SPAG16: variants seen among roughly 807,000 people sequenced by gnomAD.
The protein encoded by SPAG16 is sperm associated antigen 16.
Under a neutral mutation model 80.4 loss-of-function variants are expected in SPAG16, and 86 were observed. The ratio of observed to expected loss-of-function variants is 1.07; its 90% CI spans 0.90 to 1.28. The LOEUF (loss-of-function observed/expected upper bound fraction) is 1.28. Among genes scored for constraint, SPAG16 ranks in the 50% most tolerant of loss-of-function variants. The pLI, the probability that SPAG16 is intolerant of heterozygous loss-of-function variation, is 0.00. For synonymous variants in SPAG16, 294 were observed against 265.9 expected (o/e 1.11, Z -1.03); for missense variants, 870 against 765.3 (o/e 1.14, Z -1.61).
At chr2:214,292,999 G>T (rs1408724101) in intron 15 of SPAG16, among the ~76,000 whole-genome samples, 2 of 152,186 alleles carry the variant, frequency 1.3e-5, no homozygotes, top group East Asian at 3.9e-4. Context: ...GTCTTACTGG[G>T]GACGAGGATG....
intron 15 of SPAG16, among the ~76,000 whole-genome samples, chr2:214,395,194 A>G (rs1199135300): frequency 1.3e-5 from 2 of 152,220 alleles, no homozygotes; most frequent in East Asian, 1.9e-4. Flanking sequence ...TTATGTGGAC[A>G]TAAGTTTCCA....
chr2:214,233,600 T>C (rs975753100), intron 15 of SPAG16, among the ~76,000 whole-genome samples: 9 of 152,122 alleles, frequency 5.9e-5, no homozygotes, highest in African/African-American at 2.2e-4. Flanking sequence ...ATCTATACTT[T>C]GACACATTCT....
At chr2:213,757,364 A>C (rs1023201312) in intron 10 of SPAG16, among the ~76,000 whole-genome samples, 2 of 152,148 alleles carry the variant, frequency 1.3e-5, no homozygotes, top group African/African-American at 4.8e-5. Context: ...GCAATTCTAA[A>C]ATTCATATGC....
At chr2:214,384,856 C>A (rs1206932071) in intron 15 of SPAG16, among the ~76,000 whole-genome samples, 1 of 152,176 alleles carries the variant, frequency 6.6e-6, no homozygotes, top group Non-Finnish European at 1.5e-5. Flanking sequence ...TTGAGTCACT[C>A]GTCTCCATGT....
intron 13 of SPAG16, among the ~76,000 whole-genome samples, chr2:214,037,347 C>A (rs529823950): frequency 1.0e-3 from 157 of 151,790 alleles, no homozygotes; most frequent in African/African-American, 3.4e-3. Flanking sequence ...AATCGTATGA[C>A]CTTTTACCTT....
At chr2:213,896,793 G>A (rs1646484863) in intron 11 of SPAG16, among the ~76,000 whole-genome samples, 1 of 151,892 alleles carries the variant, frequency 6.6e-6, no homozygotes, top group South Asian at 2.1e-4. Context: ...CCTGGTACAT[G>A]TTCTCACATG....
chr2:213,623,556 C>G (rs1189087552), intron 10 of SPAG16, among the ~76,000 whole-genome samples: 1 of 152,008 alleles, frequency 6.6e-6, no homozygotes, highest in Non-Finnish European at 1.5e-5. Flanking sequence ...TATCTTTCTA[C>G]CTGGCATTTA....
intron 14 of SPAG16, among the ~76,000 whole-genome samples, chr2:214,127,140 G>T (rs1196349088): frequency 6.6e-6 from 1 of 151,746 alleles, no homozygotes; most frequent in Non-Finnish European, 1.5e-5. Flanking sequence ...CAGAAATCTA[G>T]TGCTTCTCTA....
At chr2:214,321,838 G>T (rs1696119869) in intron 15 of SPAG16, among the ~76,000 whole-genome samples, 1 of 152,054 alleles carries the variant, frequency 6.6e-6, no homozygotes, top group Admixed American at 6.6e-5. Flanking sequence ...GTCATTAATA[G>T]GTATATTGCC....
chr2:214,110,518 T>C (rs1208240048), intron 14 of SPAG16, among the ~76,000 whole-genome samples: 1 of 152,226 alleles, frequency 6.6e-6, no homozygotes, highest in Admixed American at 6.5e-5. Flanking sequence ...TGCCACATTT[T>C]CTTAATCCAG....
chr2:213,547,278 C>T (rs1378458771), intron 10 of SPAG16, among the ~76,000 whole-genome samples: 1 of 151,968 alleles, frequency 6.6e-6, no homozygotes, highest in Non-Finnish European at 1.5e-5. Flanking sequence ...GCAATTGTTC[C>T]AGTAAAAATA....
At chr2:214,200,327 A>G (rs1248051050) in intron 15 of SPAG16, among the ~76,000 whole-genome samples, 1 of 152,104 alleles carries the variant, frequency 6.6e-6, no homozygotes, top group African/African-American at 2.4e-5. Context: ...CTACTTTTTT[A>G]CATCTATTGA....
chr2:214,269,520 A>G (rs535166948), intron 15 of SPAG16, among the ~76,000 whole-genome samples: 2 of 152,162 alleles, frequency 1.3e-5, no homozygotes, highest in East Asian at 1.9e-4. Context: ...TGAAATGTCT[A>G]TCTTTTCTGA....
chr2:213,861,654 T>C (rs1412730051), intron 10 of SPAG16, among the ~76,000 whole-genome samples: 2 of 152,308 alleles, frequency 1.3e-5, no homozygotes, highest in South Asian at 2.1e-4. Context: ...AAGGCATAGA[T>C]GAAACTTTAT....
At chr2:213,701,287 G>A (rs904975371) in intron 10 of SPAG16, among the ~76,000 whole-genome samples, 43 of 152,048 alleles carry the variant, frequency 2.8e-4, no homozygotes, top group African/African-American at 9.4e-4. Context: ...TATAGGAAGG[G>A]GATACTACAG....
intron 10 of SPAG16, among the ~76,000 whole-genome samples, chr2:213,629,221 A>G (rs2062059629): frequency 6.6e-6 from 1 of 152,198 alleles, no homozygotes; most frequent in Non-Finnish European, 1.5e-5. Flanking sequence ...TTGTCCCTTC[A>G]ACAGCCTCAT....
At chr2:213,321,604 A>G (rs1027789478) in intron 5 of SPAG16, among the ~76,000 whole-genome samples, 7 of 152,256 alleles carry the variant, frequency 4.6e-5, no homozygotes, top group African/African-American at 1.7e-4. Flanking sequence ...GAAAGGAGAA[A>G]ATATTTCCCA....
chr2:214,106,916 A>G (rs918948338), intron 13 of SPAG16, among the ~76,000 whole-genome samples: 8 of 151,992 alleles, frequency 5.3e-5, no homozygotes, highest in Admixed American at 6.6e-5. Context: ...TCCTCCAGAA[A>G]AACTCCCTTC....
At chr2:214,265,567 C>A (rs116425528) in intron 15 of SPAG16, among the ~76,000 whole-genome samples, 2,312 of 151,976 alleles carry the variant, frequency 0.015, 35 homozygotes, top group African/African-American at 0.034. Context: ...TCTTTTTATT[C>A]TCTTAACATG....
Sources: allele counts gnomAD v4.1 joint callset (sites outside exome capture counted in the v4.1 genomes callset), GRCh38; gene constraint gnomAD v4.1.1; transcripts MANE v1.5; gene names NCBI Gene and HGNC (gene_info 2026-07-23, HGNC 2026-07-21).